TRIP13: variants seen among roughly 807,000 people sequenced by gnomAD.
TRIP13 encodes thyroid hormone receptor interactor 13, also known as pachytene checkpoint protein 2 homolog.
In TRIP13, 25 loss-of-function variants were observed where a neutral mutation model predicts 54.4. The ratio of observed to expected loss-of-function variants is 0.46; its 90% CI spans 0.33 to 0.64. TRIP13 has a LOEUF of 0.64. Among genes scored for constraint, TRIP13 ranks in the 30% least tolerant of loss-of-function variants. The pLI is 0.02. For missense variants in TRIP13, 373 were observed against 534.2 expected, an observed-to-expected ratio of 0.70 and a Z score of 2.97; for synonymous variants, 207 against 207.8, an observed-to-expected ratio of 1.00 and a Z score of 0.03.
intron 12 of TRIP13, 84 bp downstream of exon 12, chr5:916,057 T>A: frequency 7.3e-7 from 1 of 1,363,874 alleles, no homozygotes; most frequent in Non-Finnish European, 1.0e-6. Context: ...AGCCCTGGGG[T>A]ATCAGCCTCA....
rs1232657317 is a variant in TRIP13 at position 913,804 on chromosome 5, C to G, written c.1021-661C>G. ...TTTGCTCACACCCCTCAACAAACCT[C>G]CAAAATGTTCAGACAATGCTATTTT... On this transcript the variant is annotated intron_variant, in intron 10 of 12. Coordinates refer to ENST00000166345, the MANE Select transcript of TRIP13 (RefSeq NM_004237.4). The surrounding 1 kb of genome is among the most constrained non-coding windows in gnomAD (Gnocchi z 4.5). Among the ~76,000 whole-genome samples the G allele has an allele frequency of 6.6e-6, 1 of 152,178 alleles. No individual in the cohort carries two copies. Among genetic ancestry groups the G allele is most frequent in the Non-Finnish European group, 1.5e-5 (1 of 68,034 alleles).
rs1754289672 is a variant in TRIP13, at chr5:913,823, C to T, written c.1021-642C>T. 6.6e-6 allele frequency among the ~76,000 whole-genome samples: 1 copy of T among 152,188 alleles called. No individual in the cohort carries two copies. Among genetic ancestry groups the T allele is most frequent in the East Asian group, 1.9e-4 (1 of 5,194 alleles). On this transcript the variant is annotated intron_variant, in intron 10 of 12. Coordinates refer to ENST00000166345, the MANE Select transcript of TRIP13 (RefSeq NM_004237.4). The surrounding 1 kb of genome is among the most constrained non-coding windows in gnomAD (Gnocchi z 4.5). Reference sequence around the variant, plus strand: ...AAACCTCCAAAATGTTCAGACAATGCTATTTTCTTCCTTCTCCTTGTTCCT... The same window carrying T: ...AAACCTCCAAAATGTTCAGACAATGTTATTTTCTTCCTTCTCCTTGTTCCT...
intron 1 of TRIP13, among the ~76,000 whole-genome samples, 176 bp from the exon 2 acceptor site, chr5:894,611 T>C (rs1161539965): frequency 6.6e-6 from 1 of 152,220 alleles, no homozygotes; most frequent in Non-Finnish European, 1.5e-5. Flanking sequence ...GCACAGCTGG[T>C]AGAGGACCCA....
intron 6 of TRIP13, among the ~76,000 whole-genome samples, chr5:906,033 T>C (rs529121698): frequency 1.2e-3 from 175 of 152,076 alleles, no homozygotes; most frequent in Non-Finnish European, 2.2e-3. Context: ...CTGGCCAACA[T>C]GGAGAAACCC....
intron 5 of TRIP13, among the ~76,000 whole-genome samples, chr5:901,697 C>T (rs1310153660): frequency 6.6e-6 from 1 of 152,188 alleles, no homozygotes; most frequent in African/African-American, 2.4e-5. Flanking sequence ...CTGCAACCTC[C>T]ACTTCCTGGG....
In TRIP13 at chr5:907,873, C is replaced by T; in HGVS notation, c.673-115C>T. ...TTTAGGGAGCTTTCTGAGGGGCCGT[C>T]AGGAGACAGTGGGCTTGTGGGGACA... On this transcript the variant is annotated intron_variant, in intron 7 of 12. Coordinates refer to ENST00000166345, the MANE Select transcript of TRIP13 (RefSeq NM_004237.4). This position sits in a 1 kb window ranked among gnomAD's most constrained non-coding sequence, Gnocchi z 4.1. 2 of 1,037,218 alleles carry T rather than the reference C, an allele frequency of 1.9e-6. No individual in the cohort carries two copies. The highest frequency in any genetic ancestry group is 1.4e-5 in the South Asian group (1 of 73,344). 64.3% of individuals were successfully genotyped at this position (1,037,218 alleles called of 1,614,324 possible). A position where few individuals can be genotyped will look rare whatever the true frequency, so the allele number is the denominator to read the frequency against.
intron 5 of TRIP13, among the ~76,000 whole-genome samples, chr5:902,850 G>T (rs187626132): frequency 1.3e-5 from 2 of 152,268 alleles, no homozygotes; most frequent in Admixed American, 6.5e-5. Flanking sequence ...CTGGACAGGG[G>T]ACCCTTCCCT....
intron 5 of TRIP13, among the ~76,000 whole-genome samples, chr5:903,233 G>C (rs112276525): frequency 0.053 from 8,131 of 152,178 alleles, 699 homozygotes; most frequent in African/African-American, 0.18. Context: ...TTGGCAGCGG[G>C]CTTCTTCCCA....
At position 893,079 on chromosome 5, in the gene TRIP13, G is replaced by A. The variant is rs1753709754; in HGVS notation, c.81G>A (p.Gln27=). Residue 27 remains glutamine, a synonymous_variant, in exon 1 of 13, where the codon CAG becomes CAA. Transcript: ENST00000166345. ...CAACGGTCCACGTGGAGGTGCATCA[G>A]CGCGGCAGCAGGTGAGCCGGACCTG... ...ESPTVHVEVH[Q]RGSSTAKKED... The A allele has an allele frequency of 6.3e-7, 1 of 1,595,462 alleles. No individual in the cohort carries two copies. The highest frequency in any genetic ancestry group is 1.3e-5 in the African/African-American group (1 of 74,580).
intron 1 of TRIP13, chr5:893,597 C>T: frequency 5.4e-6 from 1 of 185,938 alleles, no homozygotes. Flanking sequence ...CATTTGTGAC[C>T]AAGTCAGTTC....
rs1754128183 is a variant in TRIP13, at chr5:907,004, T to C, written c.609-126T>C. On this transcript the variant is annotated intron_variant, in intron 6 of 12. Transcript: ENST00000166345. This position sits in a 1 kb window ranked among gnomAD's most constrained non-coding sequence, Gnocchi z 4.1. ...CGGAGGGCTGGATTCCTCAATTCTT[T>C]GTCAGTAATTGTAATTCCCCCGATG... The C allele has an allele frequency of 1.8e-5, 13 of 725,190 alleles. No individual in the cohort carries two copies. Among genetic ancestry groups the C allele is most frequent in the Non-Finnish European group, 2.4e-5 (10 of 415,420 alleles). The allele number at this position is 725,190 out of a possible 1,614,324, so 44.9% of individuals were successfully genotyped here.
intron 2 of TRIP13, 63 bp from the exon 3 acceptor site, chr5:896,602 G>C: frequency 6.5e-7 from 1 of 1,547,158 alleles, no homozygotes; most frequent in Admixed American, 1.8e-5. Context: ...CATCTAATTT[G>C]TATGGTTGCA....
chr5:910,844 A>G (rs1754215950), intron 9 of TRIP13, among the ~76,000 whole-genome samples: 1 of 151,856 alleles, frequency 6.6e-6, no homozygotes, highest in African/African-American at 2.4e-5. Context: ...AGCTCACCCA[A>G]CCTCTGTGCC....
In TRIP13 at chr5:912,005, ATT is replaced by A. The variant is rs148020919; in HGVS notation, c.1020+18_1020+19del. On this transcript the variant is annotated intron_variant, in intron 10 of 12. Coordinates refer to ENST00000166345, the MANE Select transcript of TRIP13 (RefSeq NM_004237.4). This position sits in a 1 kb window ranked among gnomAD's most constrained non-coding sequence, Gnocchi z 7.2. ...TGGAAGAACTGATGAAGGTACCTTT[ATT>A]TTTTTTTTCCTCTTGATACAAATGG... is the stretch of plus-strand genomic sequence containing the variant. 2 of 1,528,978 alleles carry A rather than the reference ATT, an allele frequency of 1.3e-6. No homozygotes were observed. The highest frequency in any genetic ancestry group is 8.8e-7 in the Non-Finnish European group (1 of 1,130,910). 94.7% of individuals were successfully genotyped at this position (1,528,978 alleles called of 1,614,324 possible).
chr5:893,377 A>ACCCTGC (rs138113921), intron 1 of TRIP13, among the ~76,000 whole-genome samples: 10 of 151,790 alleles, frequency 6.6e-5, no homozygotes, highest in South Asian at 6.2e-4. Flanking sequence ...CCTGGCCCTG[A>ACCCTGC]CCCTGCCCCT....
intron 9 of TRIP13, among the ~76,000 whole-genome samples, chr5:910,290 T>A (rs1474447863): frequency 6.6e-6 from 1 of 152,178 alleles, no homozygotes; most frequent in Non-Finnish European, 1.5e-5. Flanking sequence ...GCCTCCATTC[T>A]CCTGTCTCCC....
chr5:896,605 T>C, intron 2 of TRIP13, 60 bp from the exon 3 acceptor site: 1 of 1,555,816 alleles, frequency 6.4e-7, no homozygotes, highest in Non-Finnish European at 8.7e-7. Context: ...CTAATTTGTA[T>C]GGTTGCAGTT....
At chr5:904,571 C>T (rs1754067978) in intron 6 of TRIP13, among the ~76,000 whole-genome samples, 1 of 152,144 alleles carries the variant, frequency 6.6e-6, no homozygotes, top group Admixed American at 6.5e-5. Flanking sequence ...AATACCTGGT[C>T]ATTGTTTCCT....
At position 908,899 on chromosome 5, in the gene TRIP13, A is replaced by C. The variant is rs1419158220; in HGVS notation, c.866+438A>C. ...TGTGAACCCGGGAGGCAGAACTTGCAGTGAGCCGAGATCATGCCACTGCAC... is the reference window on the plus strand; with the variant it reads ...TGTGAACCCGGGAGGCAGAACTTGCCGTGAGCCGAGATCATGCCACTGCAC... On this transcript the variant is annotated intron_variant, in intron 9 of 12. Coordinates refer to ENST00000166345, the MANE Select transcript of TRIP13 (RefSeq NM_004237.4). This position sits in a 1 kb window ranked among gnomAD's most constrained non-coding sequence, Gnocchi z 5.2. 1 of 176,684 alleles carries C rather than the reference A, an allele frequency of 5.7e-6. No homozygotes were observed. Among genetic ancestry groups the C allele is most frequent in the Admixed American group, 5.6e-5 (1 of 17,990 alleles). 10.9% of individuals were successfully genotyped at this position (176,684 alleles called of 1,614,324 possible).
Sources: gnomAD v4.1 joint callset for allele counts (sites outside exome capture counted in the v4.1 genomes callset) on GRCh38, gnomAD v4.1.1 for gene constraint, Gnocchi (gnomAD v3.1) non-coding constraint, MANE v1.5 for transcripts, NCBI Gene and HGNC (gene_info 2026-07-23, HGNC 2026-07-21) for gene names.